Variants in C3orf52 observed in about 807,000 individuals in gnomAD.
C3orf52 encodes the protein chromosome 3 open reading frame 52, also known as TPA-induced transmembrane protein.
In C3orf52, 22 loss-of-function variants were observed where a neutral mutation model predicts 24.8. The ratio of observed to expected loss-of-function variants is 0.89; its 90% confidence interval spans 0.63 to 1.27. The LOEUF is 1.27. C3orf52 is among the 50% of genes most tolerant of loss of function. The pLI, the probability that C3orf52 is intolerant of heterozygous loss-of-function variation, is 0.00. For synonymous variants in C3orf52, 93 were observed against 100.2 expected, an observed-to-expected ratio of 0.93 and a Z score of 0.43; for missense variants, 265 against 260.7, an observed-to-expected ratio of 1.02 and a Z score of -0.11.
chr3:112,102,706 T>G, intron 2 of C3orf52, 132 bp from the exon 3 acceptor site: 3 of 797,624 alleles, frequency 3.8e-6, no homozygotes, highest in Non-Finnish European at 5.7e-6. Flanking sequence ...TACACTTGCT[T>G]GCTGTGTTCA....
chr3:112,118,863 T>A (rs1353751168), downstream of C3orf52, among the ~76,000 whole-genome samples: 1 of 152,258 alleles, frequency 6.6e-6, no homozygotes, highest in East Asian at 1.9e-4. Context: ...CAGCAGAACC[T>A]GCTCCTGTTC....
intron 4 of C3orf52, among the ~76,000 whole-genome samples, chr3:112,125,442 G>C (rs996376454): frequency 8.5e-5 from 13 of 152,226 alleles, no homozygotes; most frequent in African/African-American, 3.1e-4. Flanking sequence ...AGCTAGAGCT[G>C]TGCTCAGCCT....
intron 3 of C3orf52, among the ~76,000 whole-genome samples, chr3:112,108,211 A>G (rs746553914): frequency 6.6e-6 from 1 of 152,214 alleles, no homozygotes; most frequent in Non-Finnish European, 1.5e-5. Context: ...TGAGAAATTC[A>G]GAGATGAAAA....
rs1431081669 is a variant in C3orf52 at position 112,093,380 on chromosome 3, G to T, written c.159G>T (p.Trp53Cys). Residue 53 changes from tryptophan to cysteine, a missense_variant, in exon 2 of 6, where the codon TGG becomes TGT. Transcript: ENST00000264848. ...PPAEANKESP[W>C]SSCNKNVVGR... is the part of the protein sequence containing the mutation. ...TCTAGGCTAACAAGGAAAGCCCCTG[G>T]AGCTCCTGTAATAAGAATGTGGTTG... 6 of 1,613,892 alleles carry T rather than the reference G, an allele frequency of 3.7e-6. No individual in the cohort carries two copies. The East Asian group carries it at 1.3e-4, about 36-fold the overall frequency.
At chr3:112,105,892 C>T (rs2074019256) in intron 3 of C3orf52, among the ~76,000 whole-genome samples, 1 of 151,706 alleles carries the variant, frequency 6.6e-6, no homozygotes, top group South Asian at 2.1e-4. Context: ...TTCTGACCAA[C>T]CAGCTGCAAA....
chr3:112,104,312 T>C (rs957932803), intron 3 of C3orf52, among the ~76,000 whole-genome samples: 9 of 152,126 alleles, frequency 5.9e-5, no homozygotes, highest in Non-Finnish European at 1.2e-4. Flanking sequence ...GACAAGGTGG[T>C]TCACAGCCAG....
Position 112,113,054 on chromosome 3 carries a change from G to T in C3orf52, c.558G>T (p.Leu186Phe). 1 of 1,609,976 alleles carries T rather than the reference G, an allele frequency of 6.2e-7. No individual in the cohort carries two copies. The highest frequency in any genetic ancestry group is 8.5e-7 in the Non-Finnish European group (1 of 1,178,146). Residue 186 changes from leucine to phenylalanine, a missense_variant, in exon 5 of 6, where the codon TTG (leucine) becomes TTT (phenylalanine). By Grantham distance (22) the Leu-to-Phe change is conservative. Transcript: ENST00000264848. ...TGAAGTATATGATGAGTGAGGAGTT[G>T]GTGCTGGGCATTTTGCTACAGGATT... ...NFMKYMMSEELVLGILLQDFR... is the reference protein window; with the variant it reads ...NFMKYMMSEEFVLGILLQDFR...
At chr3:112,127,099 C>G (rs2074341028) in intron 4 of C3orf52, 1 of 1,024,878 alleles carries the variant, frequency 9.8e-7, no homozygotes, top group South Asian at 1.4e-5. Flanking sequence ...TGACACAAGC[C>G]TACAAAACTT....
At chr3:112,136,316 T>G in the C3orf52 span, among the ~76,000 whole-genome samples, 1 of 152,232 alleles carries the variant, frequency 6.6e-6, no homozygotes, top group African/African-American at 2.4e-5. Flanking sequence ...CTTTAGGGGA[T>G]TGCCTGTGGT....
chr3:112,096,674 T>TTGGGGAGGGGACACCTGGGTACCCAGGA (rs1218003443), intron 2 of C3orf52, among the ~76,000 whole-genome samples: 45 of 152,010 alleles, frequency 3.0e-4, no homozygotes, highest in Non-Finnish European at 5.1e-4. Context: ...GAACAGAAAG[T>TTGGGGAGGGGACACCTGGGTACCCAGGA]TGGGGAGGGG....
chr3:112,109,882 C>T, intron 4 of C3orf52: 1 of 340,336 alleles, frequency 2.9e-6, no homozygotes, highest in Non-Finnish European at 5.5e-6. Flanking sequence ...CCCAGGTAAA[C>T]CATTTCTGTT....
downstream of C3orf52, chr3:112,132,487 A>G (rs1004203534): frequency 4.7e-6 from 1 of 212,542 alleles, no homozygotes; most frequent in Admixed American, 6.5e-5. Flanking sequence ...TTTGAACCCT[A>G]CTTTATGTCA....
intron 3 of C3orf52, among the ~76,000 whole-genome samples, chr3:112,106,006 G>A (rs1386528047): frequency 1.3e-5 from 2 of 152,054 alleles, no homozygotes; most frequent in Non-Finnish European, 2.9e-5. Flanking sequence ...GAAAATAGAG[G>A]ATATCAAAAG....
chr3:112,117,031 A>G lies in C3orf52; in HGVS notation c.*385A>G, dbSNP rs1384748142. On this transcript the variant is annotated 3_prime_UTR_variant, in exon 6 of 6. Transcript: ENST00000264848. ...GCGGTGGCGTGATCATGGCACTGCT[A>G]TTCTTGAAGCACTCCACCCACCTGG... 4.7e-6 allele frequency: 5 copies of G among 1,053,352 alleles called. No individual in the cohort carries two copies. The highest frequency in any genetic ancestry group is 1.5e-5 in the South Asian group (1 of 64,858). 65.3% of individuals were successfully genotyped at this position (1,053,352 alleles called of 1,614,324 possible). A position where few individuals can be genotyped will look rare whatever the true frequency, so the allele number is the denominator to read the frequency against.
chr3:112,094,868 G>A (rs2073912329), intron 2 of C3orf52, among the ~76,000 whole-genome samples: 1 of 152,164 alleles, frequency 6.6e-6, no homozygotes, highest in African/African-American at 2.4e-5. Context: ...CAGCCTTCAT[G>A]CGGCATGGGT....
intron 2 of C3orf52, among the ~76,000 whole-genome samples, chr3:112,095,660 G>C (rs564385202): frequency 2.0e-5 from 3 of 152,080 alleles, no homozygotes; most frequent in African/African-American, 4.8e-5. Context: ...ATTTGTGTTC[G>C]AACATGTCAA....
chr3:112,101,355 G>A (rs569950419), intron 2 of C3orf52, among the ~76,000 whole-genome samples: 1 of 152,216 alleles, frequency 6.6e-6, no homozygotes, highest in African/African-American at 2.4e-5. Flanking sequence ...GATAGGCTGT[G>A]ACAACACATG....
chr3:112,088,661 T>TTCTATCTA (rs148242711), intron 1 of C3orf52, among the ~76,000 whole-genome samples: 1,875 of 151,960 alleles, frequency 0.012, 21 homozygotes, highest in South Asian at 0.03. Context: ...TGTTGATTTA[T>TTCTATCTA]TCTATCTATC....
intron 5 of C3orf52, among the ~76,000 whole-genome samples, chr3:112,114,129 G>C (rs902521027): frequency 6.6e-6 from 1 of 152,200 alleles, no homozygotes; most frequent in African/African-American, 2.4e-5. Flanking sequence ...GGGGTTAAAA[G>C]CACAAGTGTT....
Sources: gnomAD v4.1 joint callset for allele counts (sites outside exome capture counted in the v4.1 genomes callset) on GRCh38, gnomAD v4.1.1 for gene constraint, MANE v1.5 for transcripts, NCBI Gene and HGNC (gene_info 2026-07-23, HGNC 2026-07-21) for gene names.